PARP10: variants seen among roughly 807,000 people sequenced by gnomAD.
The protein encoded by PARP10 is poly(ADP-ribose) polymerase family member 10.
In PARP10, 56 loss-of-function variants were observed where a neutral mutation model predicts 82.4. The observed-to-expected ratio is 0.68, with a 90% CI of 0.55 to 0.85. The LOEUF (loss-of-function observed/expected upper bound fraction) is 0.85. Among genes scored for constraint, PARP10 ranks in the 40% least tolerant of loss-of-function variants. The probability of loss-of-function intolerance (pLI) is 0.00; values close to 1 mark genes in which losing one functional copy is unlikely to be tolerated. For synonymous variants in PARP10, 576 were observed against 601.1 expected (o/e 0.96, Z 0.61); for missense variants, 1,227 against 1,379.4 (o/e 0.89, Z 1.75).
At chr8:143,993,593 C>T (rs1554750958), upstream of PARP10, among the ~76,000 whole-genome samples, 2 of 152,226 alleles carry the variant, frequency 1.3e-5, no homozygotes, top group South Asian at 2.1e-4. Context: ...AACTGATGGA[C>T]AGAGACCCTG....
chr8:143,979,286 T>TAC (rs1833792521), intron 9 of PARP10, among the ~76,000 whole-genome samples: 1 of 152,026 alleles, frequency 6.6e-6, no homozygotes, highest in East Asian at 1.9e-4. Context: ...CCTGCAAGTT[T>TAC]ACACACACAC....
intron 1 of PARP10, among the ~76,000 whole-genome samples, chr8:144,009,564 G>A (rs1834258798): frequency 1.3e-5 from 2 of 152,176 alleles, no homozygotes; most frequent in South Asian, 4.1e-4. Flanking sequence ...CCATCTAGGA[G>A]CTGATACCTC....
Position 143,983,817 on chromosome 8 carries a change from G to A in PARP10, c.1778-6C>T. 1.3e-6 allele frequency: 2 copies of A among 1,565,472 alleles called. No individual in the cohort carries two copies. The highest frequency in any genetic ancestry group is 1.7e-6 in the Non-Finnish European group (2 of 1,154,628). On this transcript the variant is annotated splice_region_variant and splice_polypyrimidine_tract_variant and intron_variant, in intron 7 of 10. Coordinates refer to ENST00000313028, the MANE Select transcript of PARP10 (RefSeq NM_032789.5). ...CAGCAGTTCTCGGACCTCCTCTGGGGGCAGGGAGAGGCCATTGGGTCAGGG... is the reference window on the plus strand; with the variant it reads ...CAGCAGTTCTCGGACCTCCTCTGGGAGCAGGGAGAGGCCATTGGGTCAGGG...
intron 8 of PARP10, 50 bp downstream of exon 8, chr8:143,983,117 C>G: frequency 6.2e-7 from 1 of 1,612,636 alleles, no homozygotes; most frequent in Non-Finnish European, 8.5e-7. Flanking sequence ...GGCACTAGCC[C>G]CTGCTAACCA....
rs781911517 is a variant in PARP10, at chr8:143,983,274, C to T, written c.2315G>A (p.Arg772His). 18 of 1,612,854 alleles carry T rather than the reference C, an allele frequency of 1.1e-5. No individual in the cohort carries two copies. Among genetic ancestry groups the T allele is most frequent in the African/African-American group, 2.7e-5 (2 of 74,918 alleles). ...VALRGDCTIL[R>H]GFGAHPARAA... ...ACGGGCAGGGTGGGCCCCGAAGCCA[C>T]GGAGGATGGTGCAGTCACCACGCAG... The change falls in exon 8 of 11, where the codon CGT (arginine) becomes CAT (histidine). Residue 772 changes from arginine to histidine, a missense_variant. By Grantham distance (29) the Arg-to-His change is conservative. Transcript: ENST00000313028.
At chr8:143,992,416 G>A, upstream of PARP10, 1 of 1,612,946 alleles carries the variant, frequency 6.2e-7, no homozygotes, top group Non-Finnish European at 8.5e-7. Context: ...CAGGGGCTGA[G>A]CAGCTTTCCC....
chr8:144,006,666 G>C (rs1554752093), intron 1 of PARP10, among the ~76,000 whole-genome samples: 1 of 152,212 alleles, frequency 6.6e-6, no homozygotes, highest in Non-Finnish European at 1.5e-5. Context: ...TCCCCAATAT[G>C]ATGGCACTAG....
upstream of PARP10, among the ~76,000 whole-genome samples, chr8:143,988,199 G>A (rs1242644161): frequency 7.3e-6 from 1 of 137,062 alleles, no homozygotes; most frequent in Non-Finnish European, 1.6e-5. Flanking sequence ...ACCCAGGCTG[G>A]AGTGAAGTGC....
intron 1 of PARP10, among the ~76,000 whole-genome samples, chr8:143,997,663 C>A (rs1453490896): frequency 6.6e-6 from 1 of 152,162 alleles, no homozygotes; most frequent in African/African-American, 2.4e-5. Flanking sequence ...CCAGCCAAGA[C>A]GGTGGACTGA....
upstream of PARP10, chr8:143,991,426 G>T: frequency 1.4e-6 from 2 of 1,422,458 alleles, no homozygotes; most frequent in Non-Finnish European, 1.9e-6. Flanking sequence ...CCCCAAGGGG[G>T]CTACCCACAG....
In PARP10 at chr8:143,977,947, G is replaced by A. The variant is rs1554746780; in HGVS notation, c.2691C>T (p.Ile897=). Residue 897 remains isoleucine (I), a synonymous_variant, in exon 10 of 11, where the codon ATC becomes ATT. Coordinates refer to ENST00000313028, the MANE Select transcript of PARP10 (RefSeq NM_032789.5). ...HGTTAPAVPD[I]CAHGFNRSFC... ...AGCTGCGGTTGAAGCCGTGGGCGCA[G>A]ATGTCAGGCACTGCCGGTGCCGTCG... is the stretch of plus-strand genomic sequence containing the variant. 1.2e-6 allele frequency: 2 copies of A among 1,600,872 alleles called. No individual in the cohort carries two copies. Among genetic ancestry groups the A allele is most frequent in the South Asian group, 1.1e-5 (1 of 90,942 alleles).
chr8:143,984,941 A>G lies in PARP10; in HGVS notation c.1061T>C (p.Met354Thr), dbSNP rs1345239078. 3 of 1,613,828 alleles carry G rather than the reference A, an allele frequency of 1.9e-6. No homozygotes were observed. Among genetic ancestry groups the G allele is most frequent in the East Asian group, 4.5e-5 (2 of 44,896 alleles). The change falls in exon 5 of 11, where the codon ATG becomes ACG. Residue 354 changes from methionine (M) to threonine (T), a missense_variant. Met to Thr is a moderately conservative substitution (Grantham distance 81, BLOSUM62 -1). Transcript: ENST00000313028. ...CAGCCCCTCATGTTCCAGAGACCCC[A>G]TGGGCATCGAGCTGACTTGCTCTGC... Reference protein sequence around the residue: ...GQAEQVSSMPMGSLEHEGLVS... With the variant: ...GQAEQVSSMPTGSLEHEGLVS...
At position 144,011,498 on chromosome 8, in the gene PARP10, G is replaced by A. The variant is rs1195654594; in HGVS notation, c.-80+1032C>T. Among the ~76,000 whole-genome samples the A allele has an allele frequency of 1.3e-5, 2 of 152,070 alleles. No homozygotes were observed. Among genetic ancestry groups the A allele is most frequent in the African/African-American group, 2.4e-5 (1 of 41,414 alleles). On this transcript the variant is annotated intron_variant, in intron 1 of 3. Transcript: ENST00000530478. The surrounding 1 kb of genome is among the most constrained non-coding windows in gnomAD (Gnocchi z 4.5). ...GTCCTCTGGCCTGTACCTGGACTTC[G>A]CTATCCTCTCCCTGCCCCAAAAAGA... is the stretch of plus-strand genomic sequence containing the variant.
In PARP10 at chr8:143,985,198, C is replaced by A. The variant is rs782042482; in HGVS notation, c.804G>T (p.Gln268His). 5 of 1,614,172 alleles carry A rather than the reference C, an allele frequency of 3.1e-6. No homozygotes were observed. The highest frequency in any genetic ancestry group is 3.4e-6 in the Non-Finnish European group (4 of 1,180,036). ...NTSGGDHPST[Q>H]GPRATKHALL... ...GAGCATGCTTGGTAGCCCTAGGCCC[C>A]TGGGTGGACGGGTGGTCCCCTCCAC... The change falls in exon 5 of 11, where the codon CAG becomes CAT. Residue 268 changes from glutamine to histidine, a missense_variant. By Grantham distance (24) the Gln-to-His change is conservative (BLOSUM62 0). Transcript: ENST00000313028.
At chr8:143,979,632 C>T (rs774511704) in intron 9 of PARP10, among the ~76,000 whole-genome samples, 5 of 152,136 alleles carry the variant, frequency 3.3e-5, no homozygotes, top group African/African-American at 1.2e-4. Flanking sequence ...AAAAGTCGGC[C>T]GGGTGCAGTG....
At chr8:143,994,337 C>G (rs1435879300), upstream of PARP10, among the ~76,000 whole-genome samples, 1 of 152,218 alleles carries the variant, frequency 6.6e-6, no homozygotes, top group Non-Finnish European at 1.5e-5. Context: ...TGCCCCGCTT[C>G]CCTCTCCCTC....
At chr8:144,000,921 T>G (rs1181432744) in intron 1 of PARP10, among the ~76,000 whole-genome samples, 1 of 146,502 alleles carries the variant, frequency 6.8e-6, no homozygotes, top group Admixed American at 6.8e-5. Context: ...TTTTTTTTTT[T>G]TTTTTTTTTT....
rs1834248216 is a variant in PARP10, at chr8:144,008,271, T to A, written c.-80+4259A>T. Among the ~76,000 whole-genome samples, 1 of 152,148 alleles carries A rather than the reference T, an allele frequency of 6.6e-6. No individual in the cohort carries two copies. The highest frequency in any genetic ancestry group is 1.5e-5 in the Non-Finnish European group (1 of 68,028). On this transcript the variant is annotated intron_variant, in intron 1 of 3. Coordinates refer to the PARP10 transcript ENST00000530478. The surrounding 1 kb of genome is among the most constrained non-coding windows in gnomAD (Gnocchi z 4.0). ...CTGTCAGGTGGATGGAACAGAGGGC[T>A]CCCGGCTGCAGGCCCCCATTCTTCG...
At chr8:143,980,319 CAAAA>C (rs564801582) in intron 9 of PARP10, among the ~76,000 whole-genome samples, 520 of 15,712 alleles carry the variant, frequency 0.033, no homozygotes, top group African/African-American at 0.057. Flanking sequence ...GATTCCGTCT[CAAAA>C]AAAAAAAAAA....
Sources: allele counts gnomAD v4.1 joint callset (sites outside exome capture counted in the v4.1 genomes callset), GRCh38; gene constraint gnomAD v4.1.1; non-coding constraint Gnocchi (gnomAD v3.1); transcripts MANE v1.5; gene names NCBI Gene and HGNC (gene_info 2026-07-23, HGNC 2026-07-21).